Variants in PI4KA observed in about 807,000 individuals in gnomAD.
The protein encoded by PI4KA is phosphatidylinositol 4-kinase alpha.
PI4KA carries 122 observed loss-of-function variants against 271.4 expected under a neutral mutation model. The ratio of observed to expected loss-of-function variants is 0.45; its 90% confidence interval spans 0.39 to 0.52. PI4KA has a LOEUF of 0.52. Among genes scored for constraint, PI4KA ranks in the 20% least tolerant of loss-of-function variants. PI4KA has a pLI of 0.00. For missense variants in PI4KA, 1,969 were observed against 2,769.1 expected, an observed-to-expected ratio of 0.71 and a Z score of 6.48; for synonymous variants, 1,041 against 1,078.8, an observed-to-expected ratio of 0.96 and a Z score of 0.69.
At chr22:20,749,128 T>C (rs2147317552) in intron 28 of PI4KA, among the ~76,000 whole-genome samples, 1 of 152,318 alleles carries the variant, frequency 6.6e-6, no homozygotes, top group East Asian at 1.9e-4. Context: ...TTGCTGTAAA[T>C]GAACAAAGGG....
At chr22:20,783,577 G>A (rs1052562690) in intron 19 of PI4KA, among the ~76,000 whole-genome samples, 2 of 152,042 alleles carry the variant, frequency 1.3e-5, no homozygotes, top group African/African-American at 2.4e-5. Context: ...TGATGGCATC[G>A]CCGCACTCCA....
rs1415554415 is a variant in PI4KA, at chr22:20,707,876, G to A, written c.*171C>T. 6.8e-6 allele frequency: 5 copies of A among 737,024 alleles called. No homozygotes were observed. The highest frequency in any genetic ancestry group is 3.5e-5 in the African/African-American group (2 of 57,938). The allele number at this position is 737,024 out of a possible 1,614,324, so 45.7% of individuals were successfully genotyped here. On this transcript the variant is annotated 3_prime_UTR_variant, in exon 55 of 55. Coordinates refer to ENST00000255882, the MANE Select transcript of PI4KA (RefSeq NM_058004.4). ...ATTGATTGTCGCTGCAGTCCATGGC[G>A]TTACCAAGGCTGCGCCACCCACGTG... is the stretch of plus-strand genomic sequence containing the variant.
intron 14 of PI4KA, among the ~76,000 whole-genome samples, chr22:20,801,434 A>T (rs1245661492): frequency 6.6e-6 from 1 of 151,694 alleles, no homozygotes; most frequent in African/African-American, 2.4e-5. Context: ...AAATATAAAA[A>T]ATTAGCCAAG....
intron 35 of PI4KA, 53 bp from the exon 36 acceptor site, chr22:20,733,151 A>C: frequency 2.5e-6 from 4 of 1,605,808 alleles, no homozygotes; most frequent in Non-Finnish European, 3.4e-6. Context: ...CAGGGACTAG[A>C]GGCCAGTCAC....
At chr22:20,819,600 G>T (rs1453062461) in intron 6 of PI4KA, 41 bp downstream of exon 6, 2 of 1,574,320 alleles carry the variant, frequency 1.3e-6, no homozygotes, top group Non-Finnish European at 1.7e-6. Context: ...AGCTTAACAG[G>T]GTCTTTCTCC....
At chr22:20,814,808 AAAG>A (rs1264177833) in intron 7 of PI4KA, among the ~76,000 whole-genome samples, 1 of 151,990 alleles carries the variant, frequency 6.6e-6, no homozygotes, top group Non-Finnish European at 1.5e-5. Flanking sequence ...AATAAAAAAA[AAAG>A]AAGGAAAAAA....
chr22:20,718,825 G>A lies in PI4KA; in HGVS notation c.5117-3C>T. 4 of 1,613,634 alleles carry A rather than the reference G, an allele frequency of 2.5e-6. No individual in the cohort carries two copies. Among genetic ancestry groups the A allele is most frequent in the Non-Finnish European group, 2.5e-6 (3 of 1,179,902 alleles). ...ATCCAGGAGGTCGCCGATGTCAGCT[G>A]CCAAGGAAGCAAAGAGGCTTAAGTC... On this transcript the variant is annotated splice_region_variant and splice_polypyrimidine_tract_variant and intron_variant, in intron 43 of 54. Coordinates refer to ENST00000255882, the MANE Select transcript of PI4KA (RefSeq NM_058004.4).
intron 13 of PI4KA, 139 bp from the exon 14 acceptor site, chr22:20,802,244 T>G: frequency 1.5e-6 from 1 of 658,934 alleles, no homozygotes; most frequent in Non-Finnish European, 2.5e-6. Context: ...GACCAAATAT[T>G]TCAGAAAGAG....
At chr22:20,851,336 TTTG>T (rs372350522) in intron 1 of PI4KA, among the ~76,000 whole-genome samples, 9 of 152,030 alleles carry the variant, frequency 5.9e-5, no homozygotes, top group Admixed American at 1.3e-4. Flanking sequence ...TTGGGTTTTT[TTTG>T]TTGTTGTTGT....
At chr22:20,848,460 C>G (rs1212466710) in intron 1 of PI4KA, among the ~76,000 whole-genome samples, 2 of 152,022 alleles carry the variant, frequency 1.3e-5, no homozygotes, top group African/African-American at 4.8e-5. Flanking sequence ...TCAAAACTTA[C>G]TACAAAGCTA....
intron 3 of PI4KA, among the ~76,000 whole-genome samples, chr22:20,832,894 T>C (rs999655767): frequency 6.6e-6 from 1 of 152,234 alleles, no homozygotes; most frequent in African/African-American, 2.4e-5. Context: ...ATTCTATTTC[T>C]GTCATTTTGG....
intron 25 of PI4KA, 64 bp from the exon 26 acceptor site, chr22:20,751,819 G>A: frequency 7.0e-7 from 1 of 1,429,070 alleles, no homozygotes; most frequent in Non-Finnish European, 9.8e-7. Flanking sequence ...GCTTCTAGGA[G>A]CCCCCTCAGC....
chr22:20,818,090 G>A (rs541397866), intron 7 of PI4KA, among the ~76,000 whole-genome samples: 5 of 152,126 alleles, frequency 3.3e-5, no homozygotes, highest in East Asian at 1.9e-4. Context: ...ACACCACTGC[G>A]CTCCAACCTG....
chr22:20,811,962 G>A lies in PI4KA; in HGVS notation c.1006-930C>T, dbSNP rs1045646659. 1.7e-4 allele frequency among the ~76,000 whole-genome samples: 24 copies of A among 144,118 alleles called. No individual in the cohort carries two copies. The East Asian group carries it at 2.9e-3, about 17-fold the overall frequency. 94.5% of individuals were successfully genotyped at this position (144,118 alleles called of 152,430 possible). A position where few individuals can be genotyped will look rare whatever the true frequency, so the allele number is the denominator to read the frequency against. On this transcript the variant is annotated intron_variant, in intron 8 of 54. Coordinates refer to ENST00000255882, the MANE Select transcript of PI4KA (RefSeq NM_058004.4). ...TGGGAGGCGGAGCTTGCAGTGAGCCGAGATCGTGCCACTGCACTCCAGCTT... is the reference window on the plus strand; with the variant it reads ...TGGGAGGCGGAGCTTGCAGTGAGCCAAGATCGTGCCACTGCACTCCAGCTT...
intron 43 of PI4KA, among the ~76,000 whole-genome samples, chr22:20,720,082 A>C (rs902763197): frequency 3.3e-5 from 5 of 152,010 alleles, no homozygotes; most frequent in Non-Finnish European, 7.4e-5. Flanking sequence ...AGATGTGAAC[A>C]AATATGATTT....
At chr22:20,836,914 C>T (rs1924932913) in intron 2 of PI4KA, among the ~76,000 whole-genome samples, 1 of 152,196 alleles carries the variant, frequency 6.6e-6, no homozygotes, top group Non-Finnish European at 1.5e-5. Context: ...TCAGGACTTA[C>T]AGGTAAATCT....
At chr22:20,769,533 G>T (rs2147419930) in intron 19 of PI4KA, among the ~76,000 whole-genome samples, 1 of 152,204 alleles carries the variant, frequency 6.6e-6, no homozygotes, top group South Asian at 2.1e-4. Flanking sequence ...GCCAGGCGTG[G>T]TGGCACACAC....
Position 20,819,554 on chromosome 22 carries a change from T to A in PI4KA, c.789+87A>T, listed in dbSNP as rs749314713. 6.4e-6 allele frequency: 8 copies of A among 1,244,786 alleles called. No individual in the cohort carries two copies. In the East Asian group the frequency reaches 1.9e-4, roughly 29 times the overall value. 77.1% of individuals were successfully genotyped at this position (1,244,786 alleles called of 1,614,324 possible). On this transcript the variant is annotated intron_variant, in intron 6 of 54. Transcript: ENST00000255882. ...AACATTTCACGTTACTTAAGTTTAC[T>A]CCAACTACAAAGAAGAGGGATTTTC... is the stretch of plus-strand genomic sequence containing the variant.
intron 17 of PI4KA, among the ~76,000 whole-genome samples, chr22:20,798,253 C>T (rs1569045345): frequency 1.3e-5 from 2 of 152,074 alleles, no homozygotes; most frequent in Non-Finnish European, 1.5e-5. Flanking sequence ...TAGGATAGGA[C>T]GCTCCACAAC....
Sources: gnomAD v4.1 joint callset for allele counts (sites outside exome capture counted in the v4.1 genomes callset) on GRCh38, gnomAD v4.1.1 for gene constraint, MANE v1.5 for transcripts, NCBI Gene and HGNC (gene_info 2026-07-23, HGNC 2026-07-21) for gene names.